FMN1: variants seen among roughly 807,000 people sequenced by gnomAD.
The protein encoded by FMN1 is formin 1.
A neutral mutation model predicts 132.4 loss-of-function variants in FMN1; 110 were observed. The observed-to-expected ratio is 0.83, with a 90% CI of 0.71 to 0.97. The LOEUF (loss-of-function observed/expected upper bound fraction) is 0.97, where lower values mean the gene tolerates loss of function less well. Ranked by LOEUF, FMN1 falls within the 50% of genes least tolerant of loss-of-function variation. The pLI, the probability that FMN1 is intolerant of heterozygous loss-of-function variation, is 0.00. For missense variants in FMN1, 1,792 were observed against 1,705.3 expected (o/e 1.05, Z -0.90); for synonymous variants, 722 against 651.7 (o/e 1.11, Z -1.64).
chr15:33,130,760 CA>C (rs1423254327), intron 4 of FMN1, among the ~76,000 whole-genome samples: 1 of 152,116 alleles, frequency 6.6e-6, no homozygotes. Flanking sequence ...GTTTCAGAGT[CA>C]AAACACTTAC....
chr15:32,934,305 G>T (rs1218020614), intron 9 of FMN1, among the ~76,000 whole-genome samples: 1 of 151,898 alleles, frequency 6.6e-6, no homozygotes, highest in African/African-American at 2.4e-5. Flanking sequence ...ATCCATTAAC[G>T]TATTTTTATA....
At chr15:32,899,888 A>G in intron 14 of FMN1, 91 bp downstream of exon 14, 1 of 1,315,562 alleles carries the variant, frequency 7.6e-7, no homozygotes, top group South Asian at 1.4e-5. Flanking sequence ...GATAGAGATA[A>G]ATGGAACAAT....
intron 9 of FMN1, among the ~76,000 whole-genome samples, chr15:32,943,868 G>A (rs2061448945): frequency 6.6e-6 from 1 of 152,136 alleles, no homozygotes; most frequent in African/African-American, 2.4e-5. Context: ...AACAGAGTGA[G>A]AGTTTCGCAA....
At chr15:33,062,248 A>G (rs12440002) in intron 6 of FMN1, among the ~76,000 whole-genome samples, 48,869 of 152,096 alleles carry the variant, frequency 0.32, 8,260 homozygotes, top group Admixed American at 0.37. Flanking sequence ...ATACTTATAG[A>G]CAAAGACTTA....
intron 5 of FMN1, among the ~76,000 whole-genome samples, chr15:33,065,861 T>TA (rs2037701573): frequency 6.6e-6 from 1 of 152,218 alleles, no homozygotes; most frequent in South Asian, 2.1e-4. Flanking sequence ...ACAGCATCTA[T>TA]TAATTAGATG....
At chr15:33,180,967 T>G (rs1965679763) in intron 2 of FMN1, among the ~76,000 whole-genome samples, 1 of 152,130 alleles carries the variant, frequency 6.6e-6, no homozygotes, top group Admixed American at 6.5e-5. Flanking sequence ...TCCAGGCTTG[T>G]CTTGAACTCC....
intron 4 of FMN1, among the ~76,000 whole-genome samples, chr15:33,124,059 A>G (rs570669681): frequency 3.3e-5 from 5 of 152,284 alleles, no homozygotes; most frequent in African/African-American, 1.2e-4. Context: ...TATAACTTAG[A>G]AAATGTGCCC....
intron 7 of FMN1, among the ~76,000 whole-genome samples, chr15:32,977,594 G>A (rs533098314): frequency 6.6e-6 from 1 of 152,108 alleles, no homozygotes; most frequent in African/African-American, 2.4e-5. Context: ...TGAAATGAGA[G>A]GTTTAAAATA....
chr15:32,858,932 A>T (rs1318922962), intron 16 of FMN1, among the ~76,000 whole-genome samples: 6 of 152,190 alleles, frequency 3.9e-5, no homozygotes, highest in African/African-American at 1.4e-4. Context: ...TTCTTTTCTC[A>T]AAATAGGACA....
At chr15:33,140,219 C>T (rs1006564311) in intron 4 of FMN1, among the ~76,000 whole-genome samples, 12 of 151,786 alleles carry the variant, frequency 7.9e-5, no homozygotes, top group Non-Finnish European at 1.5e-5. Flanking sequence ...CACACACACA[C>T]ACACACACAC....
rs1400206747 is a variant in FMN1 at position 32,815,604 on chromosome 15, CAAT to C, written c.3929-11275_3929-11273del. On this transcript the variant is annotated intron_variant, in intron 17 of 20. Transcript: ENST00000616417. Reference sequence around the variant, plus strand: ...TAGTTTAAAAACAAGCTAAGTTAAACAATAATAGGAGACTGAATAGATAGTGGA... The same window carrying C: ...TAGTTTAAAAACAAGCTAAGTTAAACAATAGGAGACTGAATAGATAGTGGA... Among the ~76,000 whole-genome samples the C allele has an allele frequency of 6.6e-5, 10 of 152,250 alleles. No homozygotes were observed. In the East Asian group the frequency reaches 1.9e-3, roughly 29 times the overall value.
At chr15:33,058,065 C>CTGGTGGTGGAAAGGTGTGATGGGGG (rs2037311911) in intron 6 of FMN1, among the ~76,000 whole-genome samples, 1 of 147,888 alleles carries the variant, frequency 6.8e-6, no homozygotes, top group Non-Finnish European at 1.5e-5. Flanking sequence ...TGTGGTGGGG[C>CTGGTGGTGGAAAGGTGTGATGGGGG]TGGTGGTGGA....
chr15:32,798,911 A>G lies in FMN1; in HGVS notation c.4023T>C (p.Ser1341=). 1.2e-6 allele frequency: 2 copies of G among 1,613,730 alleles called. No homozygotes were observed. The highest frequency in any genetic ancestry group is 1.7e-6 in the Non-Finnish European group (2 of 1,179,784). ...TVRYFGMKPK[S]GEKEITPSYV... ...AGCTGGGTGTGATCTCCTTCTCACC[A>G]GACTTTGGCTTCATCCCAAAATATC... Residue 1341 remains serine, a synonymous_variant, in exon 19 of 21, where the codon TCT becomes TCC. Transcript: ENST00000616417.
chr15:33,128,268 A>G (rs759796728), intron 4 of FMN1, among the ~76,000 whole-genome samples: 22 of 152,328 alleles, frequency 1.4e-4, no homozygotes, highest in South Asian at 4.1e-4. Context: ...AGCAATAATT[A>G]GAAGCGCAAC....
chr15:32,778,304 G>C (rs1204143466), intron 19 of FMN1, among the ~76,000 whole-genome samples: 2 of 145,804 alleles, frequency 1.4e-5, no homozygotes, highest in African/African-American at 5.0e-5. Context: ...TTTTGAGACA[G>C]AGTCTTGCTC....
At chr15:33,077,356 T>A (rs1369554963) in intron 5 of FMN1, among the ~76,000 whole-genome samples, 1 of 83,864 alleles carries the variant, frequency 1.2e-5, no homozygotes, top group African/African-American at 4.0e-5. Context: ...TTTTTTTTAA[T>A]ATATATATAT....
chr15:33,067,382 G>A (rs267604153), intron 5 of FMN1: 9 of 1,613,862 alleles, frequency 5.6e-6, no homozygotes, highest in South Asian at 2.2e-5. Flanking sequence ...ACCACTAGGG[G>A]ACTTTGGGCC....
At chr15:32,854,402 G>A (rs748867082) in intron 17 of FMN1, among the ~76,000 whole-genome samples, 1 of 152,040 alleles carries the variant, frequency 6.6e-6, no homozygotes, top group African/African-American at 2.4e-5. Flanking sequence ...TCTACCATAC[G>A]GTATTGGGAA....
rs201740971 is a variant in FMN1 at position 33,124,859 on chromosome 15, T to A, written c.1867+28189A>T. On this transcript the variant is annotated intron_variant, in intron 4 of 20. Coordinates refer to ENST00000616417, the MANE Select transcript of FMN1 (RefSeq NM_001277313.2). The stretch of plus-strand genomic sequence containing the variant: ...TTTCATTTTTCTGCATTTTTTTTTT[T>A]AATTTGGAACGGGAAACAAATCATA... Among the ~76,000 whole-genome samples, 20 of 149,016 alleles carry A rather than the reference T, an allele frequency of 1.3e-4. No homozygotes were observed. In the East Asian group the frequency reaches 3.5e-3, roughly 26 times the overall value.
Sources: gnomAD v4.1 joint callset for allele counts (sites outside exome capture counted in the v4.1 genomes callset) on GRCh38, gnomAD v4.1.1 for gene constraint, MANE v1.5 for transcripts, NCBI Gene and HGNC (gene_info 2026-07-23, HGNC 2026-07-21) for gene names.